The following CCDC60 variants were observed in gnomAD, a reference collection of about 807,000 sequenced individuals.
The protein encoded by CCDC60 is coiled-coil domain-containing protein 60.
Under a neutral mutation model 63.5 loss-of-function variants are expected in CCDC60, and 54 were observed. The ratio of observed to expected loss-of-function variants is 0.85; its 90% CI spans 0.68 to 1.07. The LOEUF is 1.07. Ranked by LOEUF, CCDC60 falls within the 50% of genes least tolerant of loss-of-function variation. The pLI is 0.00. For missense variants in CCDC60, 651 were observed against 684.3 expected, an observed-to-expected ratio of 0.95 and a Z score of 0.54; for synonymous variants, 206 against 238.8, an observed-to-expected ratio of 0.86 and a Z score of 1.27.
At chr12:119,510,319 C>T (rs187375116) in intron 7 of CCDC60, among the ~76,000 whole-genome samples, 3 of 152,236 alleles carry the variant, frequency 2.0e-5, no homozygotes, top group Admixed American at 2.0e-4. Flanking sequence ...ACACTTTCTT[C>T]TTTTTAAACA....
At chr12:119,463,931 C>T (rs779835562) in intron 2 of CCDC60, among the ~76,000 whole-genome samples, 2 of 152,182 alleles carry the variant, frequency 1.3e-5, no homozygotes, top group Non-Finnish European at 2.9e-5. Context: ...TTCTCCCTAC[C>T]TTTCCAGCTT....
chr12:119,337,710 A>G (rs1324493152), intron 1 of CCDC60, among the ~76,000 whole-genome samples: 1 of 152,140 alleles, frequency 6.6e-6, no homozygotes, highest in Non-Finnish European at 1.5e-5. Flanking sequence ...TAAAAGAGAT[A>G]AGAAACGTTA....
intron 1 of CCDC60, among the ~76,000 whole-genome samples, chr12:119,384,943 G>T (rs535729838): frequency 8.5e-5 from 13 of 152,318 alleles, no homozygotes; most frequent in Non-Finnish European, 1.3e-4. Flanking sequence ...TGAGTGGGGG[G>T]GCTGATATCC....
intron 2 of CCDC60, chr12:119,433,365 G>T: frequency 1.4e-6 from 1 of 700,774 alleles, no homozygotes; most frequent in Non-Finnish European, 2.6e-6. Context: ...GAGATTTAAC[G>T]TTCTGCTCGG....
chr12:119,514,178 T>C (rs1272940304), intron 7 of CCDC60, among the ~76,000 whole-genome samples: 2 of 151,792 alleles, frequency 1.3e-5, no homozygotes, highest in Non-Finnish European at 2.9e-5. Flanking sequence ...TTTTCTTTTT[T>C]CTTTTTTTTT....
intron 2 of CCDC60, among the ~76,000 whole-genome samples, chr12:119,430,189 CACACACACACACAT>C (rs1244911908): frequency 6.6e-6 from 1 of 151,678 alleles, no homozygotes; most frequent in Non-Finnish European, 1.5e-5. Flanking sequence ...CACACACACA[CACACACACACACAT>C]ACACACACAC....
intron 6 of CCDC60, among the ~76,000 whole-genome samples, chr12:119,501,589 C>T (rs1245623970): frequency 2.6e-5 from 4 of 152,160 alleles, no homozygotes; most frequent in Non-Finnish European, 5.9e-5. Flanking sequence ...CATTTTCTTA[C>T]TCTTTCATCA....
chr12:119,433,760 T>A, intron 2 of CCDC60: 1 of 607,528 alleles, frequency 1.6e-6, no homozygotes, highest in South Asian at 2.0e-5. Context: ...AGCCCTCTTG[T>A]AATTCAATGG....
intron 1 of CCDC60, among the ~76,000 whole-genome samples, chr12:119,391,440 C>G (rs1056561200): frequency 6.6e-6 from 1 of 152,236 alleles, no homozygotes; most frequent in Non-Finnish European, 1.5e-5. Flanking sequence ...AACTTGAGCT[C>G]TAGCCTCAGA....
intron 1 of CCDC60, among the ~76,000 whole-genome samples, chr12:119,384,672 A>C (rs1389743471): frequency 6.6e-6 from 1 of 152,214 alleles, no homozygotes; most frequent in Non-Finnish European, 1.5e-5. Context: ...AAGTCTGCAG[A>C]GAGCTGCAAG....
At chr12:119,504,477 A>C (rs150500134) in intron 6 of CCDC60, among the ~76,000 whole-genome samples, 3 of 152,172 alleles carry the variant, frequency 2.0e-5, no homozygotes, top group Non-Finnish European at 2.9e-5. Flanking sequence ...TCCTCCCCCA[A>C]GAATGCCACT....
intron 4 of CCDC60, among the ~76,000 whole-genome samples, chr12:119,485,579 A>G (rs954427168): frequency 1.6e-4 from 24 of 151,998 alleles, no homozygotes; most frequent in African/African-American, 5.3e-4. Flanking sequence ...CTGTGTCCTC[A>G]TATGGTCTTT....
At chr12:119,451,826 A>C (rs1026644749) in intron 2 of CCDC60, among the ~76,000 whole-genome samples, 1 of 152,230 alleles carries the variant, frequency 6.6e-6, no homozygotes, top group Non-Finnish European at 1.5e-5. Context: ...TTTAGATTAG[A>C]TAAATACTTA....
At chr12:119,426,326 T>A (rs1345879697) in intron 1 of CCDC60, among the ~76,000 whole-genome samples, 1 of 148,222 alleles carries the variant, frequency 6.7e-6, no homozygotes, top group Non-Finnish European at 1.5e-5. Context: ...TTTGCTTTCT[T>A]TTCTTTTTTC....
chr12:119,513,712 T>C (rs1298296448), intron 7 of CCDC60, among the ~76,000 whole-genome samples: 3 of 152,206 alleles, frequency 2.0e-5, no homozygotes, highest in East Asian at 1.9e-4. Context: ...AAAATTCCTA[T>C]TGCCTAATAT....
intron 1 of CCDC60, among the ~76,000 whole-genome samples, chr12:119,419,415 G>A (rs1365427508): frequency 6.6e-6 from 1 of 152,202 alleles, no homozygotes; most frequent in Non-Finnish European, 1.5e-5. Context: ...AGGCGATGCT[G>A]TGCCCTTCCC....
intron 11 of CCDC60, among the ~76,000 whole-genome samples, chr12:119,526,206 C>A (rs749341480): frequency 2.0e-5 from 3 of 152,062 alleles, no homozygotes; most frequent in Admixed American, 6.6e-5. Context: ...AACTGGCTAG[C>A]CATATGCAGA....
At chr12:119,540,544 G>C in intron 13 of CCDC60, 70 bp from the exon 14 acceptor site, 1 of 1,060,760 alleles carries the variant, frequency 9.4e-7, no homozygotes, top group Non-Finnish European at 1.5e-6. Context: ...AGGATCTTGA[G>C]GGGAGGGAGA....
chr12:119,422,797 T>TA lies in CCDC60; in HGVS notation c.91-5885dup, dbSNP rs1956837337. Among the ~76,000 whole-genome samples the TA allele has an allele frequency of 2.0e-5, 3 of 152,234 alleles. 1 individual carries two copies. The highest frequency in any genetic ancestry group is 7.2e-5 in the African/African-American group (3 of 41,460). ...GTTTTTATTTTCTCCTAATTTTTTTTATCTTTTCCTGATTTTCTATTAGGT... is the reference window on the plus strand; with the variant it reads ...GTTTTTATTTTCTCCTAATTTTTTTTAATCTTTTCCTGATTTTCTATTAGGT... On this transcript the variant is annotated intron_variant, in intron 1 of 13. Transcript: ENST00000327554.
Sources: gnomAD v4.1 joint callset for allele counts (sites outside exome capture counted in the v4.1 genomes callset) on GRCh38, gnomAD v4.1.1 for gene constraint, MANE v1.5 for transcripts, NCBI Gene and HGNC (gene_info 2026-07-23, HGNC 2026-07-21) for gene names.